The following ANLN variants were observed in gnomAD, a reference collection of about 807,000 sequenced individuals.
ANLN encodes the protein anillin, actin binding protein.
In ANLN, 59 loss-of-function variants were observed where a neutral mutation model predicts 135.1. The ratio of observed to expected loss-of-function variants is 0.44; its 90% confidence interval spans 0.35 to 0.54. ANLN has a LOEUF of 0.54. ANLN is among the 20% of genes least tolerant of loss of function. The pLI is 0.00. For synonymous variants in ANLN, 406 were observed against 456.4 expected (o/e 0.89, Z 1.41); for missense variants, 1,182 against 1,340.0 (o/e 0.88, Z 1.84).
intron 20 of ANLN, among the ~76,000 whole-genome samples, chr7:36,436,072 T>A (rs1395764154): frequency 2.0e-5 from 3 of 152,128 alleles, no homozygotes; most frequent in Non-Finnish European, 4.4e-5. Flanking sequence ...AATATTTTTA[T>A]GTCTCTAAAA....
intron 20 of ANLN, chr7:36,428,329 G>A (rs1334862540): frequency 2.3e-6 from 3 of 1,281,980 alleles, no homozygotes; most frequent in South Asian, 1.3e-5. Flanking sequence ...GTAAGAGAGC[G>A]AGAGCTACTG....
chr7:36,431,314 G>A (rs1194145385), intron 20 of ANLN, among the ~76,000 whole-genome samples: 2 of 151,902 alleles, frequency 1.3e-5, no homozygotes, highest in African/African-American at 2.4e-5. Context: ...TTTTGTCTTA[G>A]AATTCCCCCT....
At position 36,425,748 on chromosome 7, in the gene ANLN, G is replaced by C; in HGVS notation, c.2748+8G>C. On this transcript the variant is annotated splice_region_variant and intron_variant, in intron 18 of 23. Coordinates refer to ENST00000265748, the MANE Select transcript of ANLN (RefSeq NM_018685.5). ...CTCACATCTATAACCACAGTAAGTAGAATTTTTGAGAAATTGAGCTTCCTT... is the reference window on the plus strand; with the variant it reads ...CTCACATCTATAACCACAGTAAGTACAATTTTTGAGAAATTGAGCTTCCTT... The C allele has an allele frequency of 1.2e-6, 2 of 1,609,950 alleles. No individual in the cohort carries two copies. The highest frequency in any genetic ancestry group is 1.7e-6 in the Non-Finnish European group (2 of 1,177,596).
chr7:36,401,391 T>C (rs1057327534), intron 3 of ANLN, among the ~76,000 whole-genome samples: 1 of 152,188 alleles, frequency 6.6e-6, no homozygotes, highest in Non-Finnish European at 1.5e-5. Context: ...CAGGCTGGAG[T>C]GCAGTGGCGC....
intron 20 of ANLN, among the ~76,000 whole-genome samples, chr7:36,437,280 G>A (rs777909833): frequency 7.9e-5 from 12 of 152,166 alleles, no homozygotes; most frequent in East Asian, 1.9e-4. Context: ...AAGTGGAGTC[G>A]TGTAGTGTTT....
intron 1 of ANLN, among the ~76,000 whole-genome samples, chr7:36,391,814 C>T (rs1387489251): frequency 6.6e-6 from 1 of 152,146 alleles, no homozygotes; most frequent in African/African-American, 2.4e-5. Flanking sequence ...TTAACGCCAG[C>T]GTATTAGGGC....
At chr7:36,442,681 G>A (rs1190636042) in intron 21 of ANLN, among the ~76,000 whole-genome samples, 1 of 151,844 alleles carries the variant, frequency 6.6e-6, no homozygotes. Flanking sequence ...ACCCAGGCTG[G>A]AATGCAGTGA....
intron 3 of ANLN, among the ~76,000 whole-genome samples, chr7:36,401,169 C>T (rs1786929691): frequency 2.0e-5 from 3 of 152,138 alleles, no homozygotes; most frequent in South Asian, 2.1e-4. Context: ...ATTCTAATAG[C>T]GTTTAATTCT....
At chr7:36,451,405 A>C (rs1789237785) in intron 23 of ANLN, among the ~76,000 whole-genome samples, 1 of 152,228 alleles carries the variant, frequency 6.6e-6, no homozygotes, top group Non-Finnish European at 1.5e-5. Context: ...AACGGACTTA[A>C]GTTTAAATCC....
At chr7:36,401,130 A>G (rs1583596738) in intron 3 of ANLN, among the ~76,000 whole-genome samples, 2 of 152,314 alleles carry the variant, frequency 1.3e-5, no homozygotes, top group East Asian at 3.9e-4. Context: ...GGTATTGCAA[A>G]TATTTTTTAT....
chr7:36,427,218 G>A (rs1490369991), intron 20 of ANLN, among the ~76,000 whole-genome samples, 190 bp downstream of exon 20: 1 of 141,342 alleles, frequency 7.1e-6, no homozygotes, highest in African/African-American at 2.6e-5. Flanking sequence ...TTGGAAGTAT[G>A]TCTCCCTTTT....
At chr7:36,447,479 C>T (rs1013715767) in intron 22 of ANLN, among the ~76,000 whole-genome samples, 2 of 138,010 alleles carry the variant, frequency 1.4e-5, no homozygotes, top group Admixed American at 1.6e-4. Flanking sequence ...GGCTGGAGTG[C>T]AGTCGCGGGA....
intron 2 of ANLN, among the ~76,000 whole-genome samples, chr7:36,398,379 G>A (rs902975486): frequency 6.6e-6 from 1 of 152,098 alleles, no homozygotes; most frequent in African/African-American, 2.4e-5. Context: ...ATGAAAGAAT[G>A]TTTCAAAAAC....
intron 20 of ANLN, among the ~76,000 whole-genome samples, chr7:36,438,078 C>T (rs892787047): frequency 1.3e-5 from 2 of 152,056 alleles, no homozygotes; most frequent in Admixed American, 1.3e-4. Flanking sequence ...CGTGAGCCAC[C>T]GCGCCCAGCC....
chr7:36,434,436 A>C (rs1304182271), intron 20 of ANLN, among the ~76,000 whole-genome samples: 1 of 152,206 alleles, frequency 6.6e-6, no homozygotes, highest in Non-Finnish European at 1.5e-5. Flanking sequence ...TGTCTACCTC[A>C]GCCTGGGCTC....
At chr7:36,427,091 A>T in intron 20 of ANLN, 63 bp downstream of exon 20, 2 of 1,013,642 alleles carry the variant, frequency 2.0e-6, no homozygotes. Context: ...AATTAGCTCA[A>T]TGGAAATGCC....
intron 7 of ANLN, among the ~76,000 whole-genome samples, chr7:36,412,329 T>TATATATATATA (rs1562796065): frequency 7.0e-4 from 43 of 61,582 alleles, no homozygotes; most frequent in East Asian, 1.6e-3. Context: ...ATATATATAT[T>TATATATATATA]TTTTTTTTTT....
rs777718099 is a variant in ANLN at position 36,396,355 on chromosome 7, T to C, written c.108T>C (p.His36=). The change falls in exon 2 of 24, where the codon CAT becomes CAC. Residue 36 remains histidine, a synonymous_variant. Coordinates refer to ENST00000265748, the MANE Select transcript of ANLN (RefSeq NM_018685.5). ...CAGCAGCTCCAAGGTCTATGACTCA[T>C]GCTAAGCGAGCTAGACAGCCACTTT... The part of the protein sequence containing the change: ...RPTAAPRSMT[H]AKRARQPLSE... 1.2e-6 allele frequency: 2 copies of C among 1,608,404 alleles called. No individual in the cohort carries two copies. The highest frequency in any genetic ancestry group is 4.5e-5 in the East Asian group (2 of 44,788).
chr7:36,421,837 C>G lies in ANLN; in HGVS notation c.2164-20C>G. ...GATTTAAAATGTGTATATTTTTTCT[C>G]CTCTCATTGGTTTTCCTAGGAACTC... On this transcript the variant is annotated intron_variant, in intron 12 of 23. Coordinates refer to ENST00000265748, the MANE Select transcript of ANLN (RefSeq NM_018685.5). The G allele has an allele frequency of 6.3e-7, 1 of 1,576,150 alleles. No homozygotes were observed. Among genetic ancestry groups the G allele is most frequent in the Non-Finnish European group, 8.6e-7 (1 of 1,163,222 alleles).
Sources: gnomAD v4.1 joint callset for allele counts (sites outside exome capture counted in the v4.1 genomes callset) on GRCh38, gnomAD v4.1.1 for gene constraint, MANE v1.5 for transcripts, NCBI Gene and HGNC (gene_info 2026-07-23, HGNC 2026-07-21) for gene names.